The following SHC4 variants were observed in gnomAD, a reference collection of about 807,000 sequenced individuals.
SHC4 encodes the protein SHC adaptor protein 4, also known as SHC-transforming protein 4.
In SHC4, 41 loss-of-function variants were observed where a neutral mutation model predicts 69.4. The observed-to-expected ratio is 0.59, with a 90% CI of 0.46 to 0.77. SHC4 has a LOEUF of 0.77. SHC4 is among the 30% of genes least tolerant of loss of function. SHC4 has a pLI of 0.00. For synonymous variants in SHC4, 318 were observed against 299.3 expected (o/e 1.06, Z -0.64); for missense variants, 777 against 783.8 (o/e 0.99, Z 0.10).
intron 9 of SHC4, among the ~76,000 whole-genome samples, chr15:48,846,777 A>T (rs1899101381): frequency 6.6e-6 from 1 of 152,126 alleles, no homozygotes; most frequent in Non-Finnish European, 1.5e-5. Flanking sequence ...TGTCTATCCA[A>T]TCTTCCTTTG....
Position 48,846,944 on chromosome 15 carries a change from G to A in SHC4, c.1304-3356C>T, listed in dbSNP as rs569373616. Among the ~76,000 whole-genome samples, 23 of 150,570 alleles carry A rather than the reference G, an allele frequency of 1.5e-4. No individual in the cohort carries two copies. In the East Asian group the frequency reaches 4.3e-3, roughly 28 times the overall value. ...CCAAAAACATCGGTGTTTATATCTA[G>A]CCTCTCTTGAAAACTGCCACCTTTA... On this transcript the variant is annotated intron_variant, in intron 9 of 11. Transcript: ENST00000332408.
chr15:48,828,676 C>G (rs1055621729), intron 11 of SHC4, among the ~76,000 whole-genome samples: 1 of 152,122 alleles, frequency 6.6e-6, no homozygotes, highest in African/African-American at 2.4e-5. Context: ...TTTTCTTCCT[C>G]TTTTTAAAAA....
intron 4 of SHC4, among the ~76,000 whole-genome samples, chr15:48,882,604 A>C (rs1009347446): frequency 1.3e-5 from 2 of 152,036 alleles, no homozygotes; most frequent in African/African-American, 4.8e-5. Context: ...TTCCTTATTC[A>C]TTTCAGACAC....
intron 6 of SHC4, among the ~76,000 whole-genome samples, chr15:48,858,611 G>A (rs1203376680): frequency 1.3e-5 from 2 of 152,214 alleles, no homozygotes; most frequent in Non-Finnish European, 2.9e-5. Context: ...AGGAGCTTGT[G>A]GTTAGGGACT....
intron 1 of SHC4, among the ~76,000 whole-genome samples, chr15:48,953,653 T>C (rs1232056349): frequency 6.6e-6 from 1 of 152,206 alleles, no homozygotes; most frequent in Non-Finnish European, 1.5e-5. Flanking sequence ...AATGAGAATG[T>C]GATGTTATGT....
At chr15:48,921,065 T>C (rs1016299831) in intron 2 of SHC4, among the ~76,000 whole-genome samples, 2 of 152,188 alleles carry the variant, frequency 1.3e-5, no homozygotes, top group African/African-American at 4.8e-5. Context: ...CATTTATCTA[T>C]TGACTGATGG....
intron 3 of SHC4, 140 bp from the exon 4 acceptor site, chr15:48,884,507 G>C: frequency 1.4e-6 from 1 of 710,508 alleles, no homozygotes; most frequent in Non-Finnish European, 2.0e-6. Flanking sequence ...CAAATGAAAG[G>C]GAATGGTTTT....
intron 5 of SHC4, 30 bp downstream of exon 5, chr15:48,872,059 T>G: frequency 6.9e-7 from 1 of 1,446,004 alleles, no homozygotes; most frequent in South Asian, 1.2e-5. Context: ...TTTTAACTCA[T>G]AAAAAGAACT....
chr15:48,930,915 T>C (rs1900952790), intron 1 of SHC4, among the ~76,000 whole-genome samples: 1 of 152,206 alleles, frequency 6.6e-6, no homozygotes, highest in African/African-American at 2.4e-5. Context: ...CAACTCACAA[T>C]AGTAAAGTTT....
intron 2 of SHC4, among the ~76,000 whole-genome samples, chr15:48,901,850 C>T (rs982531318): frequency 2.6e-5 from 4 of 152,114 alleles, no homozygotes; most frequent in Non-Finnish European, 5.9e-5. Context: ...TTGAACAGTA[C>T]CTCAGTAAAT....
In SHC4 at chr15:48,910,835, C is replaced by A. The variant is rs115059289; in HGVS notation, c.656+14044G>T. Among the ~76,000 whole-genome samples the A allele has an allele frequency of 5.3e-3, 813 of 152,282 alleles. 4 individuals carry two copies. The highest frequency in any genetic ancestry group is 0.018 in the African/African-American group (762 of 41,576). On this transcript the variant is annotated intron_variant, in intron 2 of 11. Transcript: ENST00000332408. ...TTCGTTTTTGACCCAAATGCTCATG[C>A]AAGAGCAGGTTATTTAATTTCCATG...
intron 4 of SHC4, among the ~76,000 whole-genome samples, chr15:48,873,235 T>C (rs4435197): frequency 0.19 from 29,448 of 152,092 alleles, 3,826 homozygotes; most frequent in Middle Eastern, 0.32. Flanking sequence ...TAGGCAAAAT[T>C]ATGGTATTTG....
chr15:48,827,064 A>C (rs1433970013), intron 11 of SHC4, among the ~76,000 whole-genome samples: 21 of 152,092 alleles, frequency 1.4e-4, no homozygotes, highest in Admixed American at 1.4e-3. Flanking sequence ...TTGTGGCTCT[A>C]CCAGCTTGGT....
At chr15:48,911,392 G>A (rs999963515) in intron 2 of SHC4, among the ~76,000 whole-genome samples, 1 of 151,996 alleles carries the variant, frequency 6.6e-6, no homozygotes, top group Admixed American at 6.6e-5. Context: ...ACCCCTGCTC[G>A]CTTTTGGCAT....
chr15:48,835,126 C>T, intron 10 of SHC4, 104 bp from the exon 11 acceptor site: 1 of 1,383,270 alleles, frequency 7.2e-7, no homozygotes, highest in Non-Finnish European at 9.6e-7. Flanking sequence ...TACTGTGTGC[C>T]AGCCATTGTT....
intron 1 of SHC4, among the ~76,000 whole-genome samples, chr15:48,928,067 G>T (rs1900888263): frequency 6.6e-6 from 1 of 152,118 alleles, no homozygotes; most frequent in African/African-American, 2.4e-5. Context: ...ATGAGTGGGG[G>T]CTAGGGCGAG....
intron 11 of SHC4, among the ~76,000 whole-genome samples, chr15:48,828,958 C>T (rs1898745027): frequency 6.6e-6 from 1 of 152,160 alleles, no homozygotes; most frequent in Non-Finnish European, 1.5e-5. Context: ...TTCTCTCATT[C>T]TGTAGGTTGC....
At chr15:48,961,350 C>T (rs1033215758) in intron 1 of SHC4, among the ~76,000 whole-genome samples, 14 of 152,304 alleles carry the variant, frequency 9.2e-5, no homozygotes, top group Middle Eastern at 6.8e-3. Flanking sequence ...CCAAGCTACC[C>T]GTGATCTCTA....
In SHC4 at chr15:48,963,139, T is replaced by C. The variant is rs1052155895; in HGVS notation, c.-124A>G. On this transcript the variant is annotated 5_prime_UTR_variant, in exon 1 of 12. Coordinates refer to ENST00000332408, the MANE Select transcript of SHC4 (RefSeq NM_203349.4). The stretch of plus-strand genomic sequence containing the variant: ...CTCACAGCAGCCACCTCTCCAACTC[T>C]GCTCTCGAGCTCGCCCACCTCGGCT... The C allele has an allele frequency of 3.8e-6, 4 of 1,041,514 alleles. No homozygotes were observed. The highest frequency in any genetic ancestry group is 2.5e-5 in the East Asian group (1 of 39,746). The allele number at this position is 1,041,514 out of a possible 1,614,324, so 64.5% of individuals were successfully genotyped here. A position where few individuals can be genotyped will look rare whatever the true frequency, so the allele number is the denominator to read the frequency against.
Sources: gnomAD v4.1 joint callset for allele counts (sites outside exome capture counted in the v4.1 genomes callset) on GRCh38, gnomAD v4.1.1 for gene constraint, MANE v1.5 for transcripts, NCBI Gene and HGNC (gene_info 2026-07-23, HGNC 2026-07-21) for gene names.